Variants in RFTN2 observed in about 807,000 individuals in gnomAD.
The protein encoded by RFTN2 is raftlin family member 2.
In RFTN2, 34 loss-of-function variants were observed where a neutral mutation model predicts 52.7. The ratio of observed to expected loss-of-function variants is 0.64; its 90% CI spans 0.49 to 0.86. RFTN2 has a LOEUF of 0.86. Ranked by LOEUF, RFTN2 falls within the 40% of genes least tolerant of loss-of-function variation. The pLI is 0.00. For missense variants in RFTN2, 536 were observed against 600.1 expected (o/e 0.89, Z 1.12); for synonymous variants, 203 against 217.7 (o/e 0.93, Z 0.59).
chr2:197,669,278 A>G (rs1357510022), intron 1 of RFTN2, among the ~76,000 whole-genome samples: 1 of 151,868 alleles, frequency 6.6e-6, no homozygotes, highest in Non-Finnish European at 1.5e-5. Context: ...TTTTATTTTC[A>G]GTTTCCAGAC....
chr2:197,671,444 C>A (rs2089145970), intron 1 of RFTN2, among the ~76,000 whole-genome samples: 1 of 152,134 alleles, frequency 6.6e-6, no homozygotes, highest in Admixed American at 6.5e-5. Context: ...ATTTTTTGTT[C>A]ATTCACTCAT....
chr2:197,604,638 A>T (rs1489432324), intron 7 of RFTN2, among the ~76,000 whole-genome samples: 1 of 152,222 alleles, frequency 6.6e-6, no homozygotes, highest in Non-Finnish European at 1.5e-5. Context: ...GGGGAGACAC[A>T]TGAGGTGCTT....
At chr2:197,597,669 C>T (rs2087814422) in intron 7 of RFTN2, among the ~76,000 whole-genome samples, 1 of 152,034 alleles carries the variant, frequency 6.6e-6, no homozygotes, top group Admixed American at 6.6e-5. Flanking sequence ...CAGGCATGTA[C>T]CACCACACTG....
intron 1 of RFTN2, among the ~76,000 whole-genome samples, chr2:197,656,750 G>T (rs2088899678): frequency 1.3e-5 from 2 of 152,170 alleles, no homozygotes; most frequent in African/African-American, 4.8e-5. Flanking sequence ...TTGAACTCAT[G>T]CTCTAGATCT....
intron 7 of RFTN2, among the ~76,000 whole-genome samples, chr2:197,607,402 G>A (rs201321450): frequency 2.6e-5 from 4 of 151,736 alleles, no homozygotes; most frequent in Non-Finnish European, 5.9e-5. Context: ...AATGGGTGCA[G>A]TACACCAACA....
chr2:197,608,623 C>CTTT (rs57681105), intron 7 of RFTN2, among the ~76,000 whole-genome samples: 8 of 99,484 alleles, frequency 8.0e-5, no homozygotes, highest in Non-Finnish European at 1.2e-4. Context: ...TGGGACCAGA[C>CTTT]TTTTTTTTTT....
chr2:197,579,274 G>A (rs2087467530), intron 8 of RFTN2, among the ~76,000 whole-genome samples: 1 of 152,084 alleles, frequency 6.6e-6, no homozygotes, highest in African/African-American at 2.4e-5. Flanking sequence ...TGCCTGGGGG[G>A]CAATTGCCCC....
chr2:197,628,394 G>A (rs1199944834), intron 5 of RFTN2, among the ~76,000 whole-genome samples: 2 of 152,196 alleles, frequency 1.3e-5, no homozygotes, highest in Non-Finnish European at 2.9e-5. Context: ...GAGTCTCCCT[G>A]GGGCTCTCTA....
chr2:197,607,602 T>C (rs939006514), intron 7 of RFTN2, among the ~76,000 whole-genome samples: 2 of 152,146 alleles, frequency 1.3e-5, no homozygotes, highest in African/African-American at 4.8e-5. Context: ...TACACATTAA[T>C]TAATTGTCGT....
At chr2:197,662,617 T>A (rs1404809587) in intron 1 of RFTN2, among the ~76,000 whole-genome samples, 1 of 146,286 alleles carries the variant, frequency 6.8e-6, no homozygotes, top group Non-Finnish European at 1.5e-5. Context: ...AATTTTGGTA[T>A]TTTTTTTTTC....
chr2:197,628,602 GAAGAGAAAC>G, intron 5 of RFTN2, among the ~76,000 whole-genome samples: 1 of 142,436 alleles, frequency 7.0e-6, no homozygotes, highest in East Asian at 2.1e-4. Flanking sequence ...TTTTTGGAGA[GAAGAGAAAC>G]AAGAGAGAAA....
At chr2:197,582,389 C>G (rs577554317) in intron 8 of RFTN2, among the ~76,000 whole-genome samples, 1 of 152,340 alleles carries the variant, frequency 6.6e-6, no homozygotes, top group East Asian at 1.9e-4. Flanking sequence ...CTGTATCTCT[C>G]TGATCTACCT....
intron 8 of RFTN2, among the ~76,000 whole-genome samples, chr2:197,583,309 C>G (rs1256252848): frequency 6.6e-6 from 1 of 152,218 alleles, no homozygotes; most frequent in Non-Finnish European, 1.5e-5. Flanking sequence ...TAAAATACCT[C>G]TTGGTCTGGG....
intron 1 of RFTN2, among the ~76,000 whole-genome samples, chr2:197,669,821 C>T (rs1216509726): frequency 6.6e-6 from 1 of 152,168 alleles, no homozygotes; most frequent in Non-Finnish European, 1.5e-5. Context: ...TAACCACTAT[C>T]CATTCAAAAA....
chr2:197,656,683 C>G (rs4491721), intron 1 of RFTN2, among the ~76,000 whole-genome samples: 28,440 of 152,042 alleles, frequency 0.19, 2,789 homozygotes, highest in Middle Eastern at 0.27. Flanking sequence ...TGGCCTCGTT[C>G]CCAAACTACA....
At position 197,631,215 on chromosome 2, in the gene RFTN2, C is replaced by T; in HGVS notation, c.724G>A (p.Asp242Asn). ...SSKSRKGEAS[D>N]NKLYTVFNAF... ...TTGAAGACTGTATACAATTTGTTAT[C>T]TGAGGCTAGGCATTCAGAAGGAGAA... Residue 242 changes from aspartate to asparagine, a missense_variant, in exon 5 of 9, where the codon GAT (aspartate) becomes AAT (asparagine). Physicochemically the swap from Asp to Asn is conservative, Grantham distance 23 (BLOSUM62 1). Transcript: ENST00000295049. The T allele has an allele frequency of 2.5e-6, 4 of 1,607,336 alleles. No individual in the cohort carries two copies. Among genetic ancestry groups the T allele is most frequent in the Non-Finnish European group, 3.4e-6 (4 of 1,177,818 alleles).
intron 5 of RFTN2, among the ~76,000 whole-genome samples, chr2:197,627,887 C>A (rs1574721102): frequency 7.4e-6 from 1 of 135,412 alleles, no homozygotes; most frequent in East Asian, 2.6e-4. Context: ...CCCCCCGCCC[C>A]CCCGTGTTTC....
intron 4 of RFTN2, among the ~76,000 whole-genome samples, chr2:197,633,324 T>A (rs2088496729): frequency 6.6e-6 from 1 of 152,166 alleles, no homozygotes; most frequent in South Asian, 2.1e-4. Flanking sequence ...ATCCATGAAA[T>A]GGGAAAGGCC....
intron 3 of RFTN2, among the ~76,000 whole-genome samples, chr2:197,634,727 AT>A (rs1014692727): frequency 4.8e-5 from 7 of 146,156 alleles, no homozygotes; most frequent in African/African-American, 1.9e-4. Flanking sequence ...AGGATTATTT[AT>A]TTATTTATTT....
Sources: allele counts gnomAD v4.1 joint callset (sites outside exome capture counted in the v4.1 genomes callset), GRCh38; gene constraint gnomAD v4.1.1; transcripts MANE v1.5; gene names NCBI Gene and HGNC (gene_info 2026-07-23, HGNC 2026-07-21).